The following VGLL4 variants were observed in gnomAD, a reference collection of about 807,000 sequenced individuals.
VGLL4 encodes the protein transcription cofactor vestigial-like protein 4.
VGLL4 carries 7 observed loss-of-function variants against 21.0 expected under a neutral mutation model. The ratio of observed to expected loss-of-function variants is 0.33; its 90% confidence interval spans 0.19 to 0.63. The LOEUF is 0.63. Among genes scored for constraint, VGLL4 ranks in the 20% least tolerant of loss-of-function variants. VGLL4 has a pLI of 0.78. For synonymous variants in VGLL4, 222 were observed against 173.2 expected, an observed-to-expected ratio of 1.28 and a Z score of -2.21; for missense variants, 394 against 425.7, an observed-to-expected ratio of 0.93 and a Z score of 0.66.
At chr3:11,708,261 G>A (rs2076789376) in intron 1 of VGLL4, among the ~76,000 whole-genome samples, 1 of 152,216 alleles carries the variant, frequency 6.6e-6, no homozygotes, top group Non-Finnish European at 1.5e-5. Flanking sequence ...GACAGTAAAT[G>A]TACTGAAAAT....
chr3:11,659,456 C>A (rs903898885), intron 2 of VGLL4, among the ~76,000 whole-genome samples: 1 of 151,544 alleles, frequency 6.6e-6, no homozygotes, highest in Non-Finnish European at 1.5e-5. Flanking sequence ...CTCAGCCTCC[C>A]GAGTAGCTGG....
At chr3:11,578,475 G>A (rs758626929) in intron 2 of VGLL4, among the ~76,000 whole-genome samples, 11 of 151,878 alleles carry the variant, frequency 7.2e-5, no homozygotes, top group Non-Finnish European at 1.6e-4. Context: ...TTATTTTGTG[G>A]ACTTCTCCGT....
At chr3:11,582,720 G>A (rs1559878599) in intron 2 of VGLL4, among the ~76,000 whole-genome samples, 1 of 152,180 alleles carries the variant, frequency 6.6e-6, no homozygotes, top group Non-Finnish European at 1.5e-5. Flanking sequence ...TGCAGAAGTG[G>A]AGACGCTCCG....
At position 11,689,798 on chromosome 3, in the gene VGLL4, G is replaced by A. The variant is rs79986705; in HGVS notation, c.64+13173C>T. Among the ~76,000 whole-genome samples, 579 of 152,348 alleles carry A rather than the reference G, an allele frequency of 3.8e-3. 2 individuals carry two copies. Among genetic ancestry groups the A allele is most frequent in the African/African-American group, 0.013 (547 of 41,580 alleles). ...TGTAAGAGGACAGAAAGTGTCCAATGATGGGCTTTGCTTTAAGGTATACAA... is the reference window on the plus strand; with the variant it reads ...TGTAAGAGGACAGAAAGTGTCCAATAATGGGCTTTGCTTTAAGGTATACAA... On this transcript the variant is annotated intron_variant, in intron 2 of 5. Transcript: ENST00000273038.
chr3:11,602,774 G>A (rs1034369178), intron 1 of VGLL4, among the ~76,000 whole-genome samples: 1 of 152,102 alleles, frequency 6.6e-6, no homozygotes, highest in African/African-American at 2.4e-5. Flanking sequence ...ATTTTAAAAG[G>A]TTTTGTACTA....
intron 3 of VGLL4, among the ~76,000 whole-genome samples, chr3:11,559,710 TGTTGA>T (rs2072794705): frequency 6.6e-6 from 1 of 152,190 alleles, no homozygotes; most frequent in Non-Finnish European, 1.5e-5. Flanking sequence ...AAAGCTCAAC[TGTTGA>T]GTTGGTCTGT....
At chr3:11,660,085 C>T (rs1183667537) in intron 2 of VGLL4, among the ~76,000 whole-genome samples, 1 of 151,892 alleles carries the variant, frequency 6.6e-6, no homozygotes, top group Admixed American at 6.6e-5. Context: ...TGGTGTGAAC[C>T]CGGGAGGCGG....
intron 2 of VGLL4, among the ~76,000 whole-genome samples, chr3:11,656,244 TTCCC>T (rs1205157800): frequency 1.3e-5 from 2 of 152,172 alleles, no homozygotes; most frequent in Admixed American, 1.3e-4. Flanking sequence ...CAGGGAGTGC[TTCCC>T]AAATATTAAA....
chr3:11,676,871 T>C (rs1372374977), intron 2 of VGLL4, among the ~76,000 whole-genome samples: 1 of 152,330 alleles, frequency 6.6e-6, no homozygotes, highest in East Asian at 1.9e-4. Flanking sequence ...GCTGCCACAG[T>C]AGCACTGTAA....
chr3:11,716,267 A>G lies in VGLL4; in HGVS notation c.-14+4127T>C, dbSNP rs1575559095. ...CAGTGAGCTGAGATCGCGCCACTGC[A>G]CTCCAGCCTGGGCAACAAGAGTGAA... is the stretch of plus-strand genomic sequence containing the variant. On this transcript the variant is annotated intron_variant, in intron 1 of 5. Transcript: ENST00000273038. 6.0e-5 allele frequency among the ~76,000 whole-genome samples: 9 copies of G among 148,764 alleles called. No homozygotes were observed. In the South Asian group the frequency reaches 1.9e-3, roughly 32 times the overall value.
chr3:11,561,657 G>A (rs968889030), intron 3 of VGLL4, among the ~76,000 whole-genome samples: 1 of 151,986 alleles, frequency 6.6e-6, no homozygotes. Flanking sequence ...ATGGGATCCC[G>A]AGGCTCCCCT....
intron 2 of VGLL4, among the ~76,000 whole-genome samples, chr3:11,669,707 T>G (rs1460214792): frequency 6.6e-6 from 1 of 151,864 alleles, no homozygotes; most frequent in Admixed American, 6.6e-5. Context: ...AGACACAGGG[T>G]ATCGCTCTAT....
intron 2 of VGLL4, among the ~76,000 whole-genome samples, chr3:11,683,665 A>G (rs989649809): frequency 4.0e-5 from 6 of 151,606 alleles, no homozygotes; most frequent in African/African-American, 1.5e-4. Flanking sequence ...ATGGTAGTGC[A>G]TGCCTGTAAT....
intron 2 of VGLL4, among the ~76,000 whole-genome samples, chr3:11,569,347 G>C (rs899015905): frequency 1.3e-5 from 2 of 152,170 alleles, no homozygotes; most frequent in African/African-American, 2.4e-5. Flanking sequence ...ACATTCTGGG[G>C]TCCCCAAAGG....
At chr3:11,586,230 C>T (rs994822099) in intron 2 of VGLL4, among the ~76,000 whole-genome samples, 5 of 152,112 alleles carry the variant, frequency 3.3e-5, no homozygotes, top group African/African-American at 9.7e-5. Context: ...AAAGCAAATA[C>T]GGGCAAATGT....
At chr3:11,561,928 C>A (rs1575356985) in intron 3 of VGLL4, among the ~76,000 whole-genome samples, 1 of 123,588 alleles carries the variant, frequency 8.1e-6, no homozygotes, top group Admixed American at 9.7e-5. Flanking sequence ...AAGACAAAGT[C>A]TCACTCTGTC....
Position 11,643,535 on chromosome 3 carries a change from G to GA in VGLL4, c.-18dup. The stretch of plus-strand genomic sequence containing the variant: ...AAATAGCATTTATTGGGCTAGCAAA[G>GA]AAAACCAGCTCTTTGCTTTTGCCCC... On this transcript the variant is annotated 5_prime_UTR_variant, in exon 1 of 5. Coordinates refer to ENST00000430365, the MANE Select transcript of VGLL4 (RefSeq NM_001128219.3). 6.2e-7 allele frequency: 1 copy of GA among 1,613,860 alleles called. No homozygotes were observed. Among genetic ancestry groups the GA allele is most frequent in the East Asian group, 2.2e-5 (1 of 44,874 alleles).
At chr3:11,561,934 CTG>C (rs2073055089) in intron 3 of VGLL4, among the ~76,000 whole-genome samples, 1 of 137,346 alleles carries the variant, frequency 7.3e-6, no homozygotes, top group Non-Finnish European at 1.5e-5. Flanking sequence ...AAGTCTCACT[CTG>C]TCGTCCAGGC....
upstream of VGLL4, chr3:11,721,781 TG>T (rs1341224805): frequency 6.6e-6 from 1 of 152,212 alleles, no homozygotes; most frequent in Non-Finnish European, 1.5e-5. Flanking sequence ...TTATAGGATT[TG>T]GGGCAAGTTA....
Sources: allele counts gnomAD v4.1 joint callset (sites outside exome capture counted in the v4.1 genomes callset), GRCh38; gene constraint gnomAD v4.1.1; transcripts MANE v1.5; gene names NCBI Gene and HGNC (gene_info 2026-07-23, HGNC 2026-07-21).